IL23R: variants seen among roughly 807,000 people sequenced by gnomAD.
The protein encoded by IL23R is interleukin 23 receptor, also known as interleukin-23 receptor.
Under a neutral mutation model 56.9 loss-of-function variants are expected in IL23R, and 34 were observed. The observed-to-expected ratio is 0.60, with a 90% confidence interval of 0.45 to 0.80. IL23R has a LOEUF of 0.80. IL23R is among the 30% of genes least tolerant of loss of function. The probability of loss-of-function intolerance (pLI) is 0.00; values close to 1 mark genes in which losing one functional copy is unlikely to be tolerated. For missense variants in IL23R, 635 were observed against 730.0 expected, an observed-to-expected ratio of 0.87 and a Z score of 1.50; for synonymous variants, 230 against 249.2, an observed-to-expected ratio of 0.92 and a Z score of 0.73.
At chr1:67,183,312 A>C (rs1422489921) in intron 4 of IL23R, among the ~76,000 whole-genome samples, 1 of 152,216 alleles carries the variant, frequency 6.6e-6, no homozygotes, top group African/African-American at 2.4e-5. Context: ...AGGTGGGTGA[A>C]TAACCTGAGG....
chr1:67,232,813 C>T (rs1025859117), intron 7 of IL23R, among the ~76,000 whole-genome samples: 23 of 152,206 alleles, frequency 1.5e-4, no homozygotes, highest in African/African-American at 2.2e-4. Flanking sequence ...TTCCCATAAT[C>T]CCCATGAGTC....
At chr1:67,260,448 C>A (rs1293683346), downstream of IL23R, among the ~76,000 whole-genome samples, 1 of 151,982 alleles carries the variant, frequency 6.6e-6, no homozygotes, top group African/African-American at 2.4e-5. Flanking sequence ...CTGAACCTAC[C>A]ATTGCCCCAT....
chr1:67,185,884 T>C (rs1647294304), intron 4 of IL23R, among the ~76,000 whole-genome samples: 1 of 152,228 alleles, frequency 6.6e-6, no homozygotes, highest in Non-Finnish European at 1.5e-5. Context: ...AGTACTGTGC[T>C]CTGTACTTCA....
intron 4 of IL23R, among the ~76,000 whole-genome samples, chr1:67,197,720 G>C (rs1225912730): frequency 6.6e-6 from 1 of 152,180 alleles, no homozygotes; most frequent in Non-Finnish European, 1.5e-5. Context: ...CAAGGCAAGA[G>C]GATCACTTGA....
chr1:67,195,050 T>C (rs1252766236), intron 4 of IL23R, among the ~76,000 whole-genome samples: 1 of 152,220 alleles, frequency 6.6e-6, no homozygotes. Flanking sequence ...TCTTTTTTTA[T>C]TTAAATGGAC....
intron 3 of IL23R, among the ~76,000 whole-genome samples, chr1:67,171,778 C>G (rs1646947715): frequency 6.6e-6 from 1 of 152,144 alleles, no homozygotes; most frequent in Non-Finnish European, 1.5e-5. Flanking sequence ...GGAGCTCAGT[C>G]CAAAACAATG....
upstream of IL23R, among the ~76,000 whole-genome samples, chr1:67,165,004 T>C (rs927916103): frequency 6.6e-6 from 1 of 152,196 alleles, no homozygotes; most frequent in Non-Finnish European, 1.5e-5. Context: ...GTTCAGGAGT[T>C]CAAGACTAGC....
intron 1 of IL23R, among the ~76,000 whole-genome samples, 194 bp from the exon 2 acceptor site, chr1:67,167,896 CTT>C (rs1646892705): frequency 6.6e-6 from 1 of 152,254 alleles, no homozygotes; most frequent in South Asian, 2.1e-4. Flanking sequence ...TTCTCCATCT[CTT>C]GTTATATCTC....
intron 7 of IL23R, among the ~76,000 whole-genome samples, chr1:67,221,353 A>C (rs1650240093): frequency 6.6e-6 from 1 of 152,202 alleles, no homozygotes; most frequent in Non-Finnish European, 1.5e-5. Context: ...TTCTCCTAAA[A>C]GAGACACAAA....
chr1:67,156,966 T>G (rs1646774698), intron 1 of IL23R, among the ~76,000 whole-genome samples: 1 of 152,062 alleles, frequency 6.6e-6, no homozygotes, highest in Non-Finnish European at 1.5e-5. Flanking sequence ...TCCTGATCTG[T>G]GGATTGCAAA....
intron 4 of IL23R, among the ~76,000 whole-genome samples, chr1:67,189,664 G>T (rs1359009699): frequency 6.6e-6 from 1 of 152,210 alleles, no homozygotes; most frequent in Non-Finnish European, 1.5e-5. Flanking sequence ...AGAGAAGAGG[G>T]CTGGGCGCAG....
chr1:67,189,622 G>C (rs1363083216), intron 4 of IL23R, among the ~76,000 whole-genome samples: 5 of 152,134 alleles, frequency 3.3e-5, no homozygotes, highest in African/African-American at 1.2e-4. Flanking sequence ...CTAATGATTA[G>C]TTACAAACAA....
chr1:67,177,818 G>T (rs1004179517), intron 3 of IL23R, among the ~76,000 whole-genome samples: 2 of 151,214 alleles, frequency 1.3e-5, no homozygotes, highest in East Asian at 3.9e-4. Context: ...AAGGGATCCA[G>T]TTTCAGCCTT....
At chr1:67,219,492 A>G in intron 6 of IL23R, 82 bp from the exon 7 acceptor site, 1 of 1,279,126 alleles carries the variant, frequency 7.8e-7, no homozygotes, top group South Asian at 1.2e-5. Context: ...GGAACATAAT[A>G]GGTGTTCCAT....
In IL23R at chr1:67,240,290, T is replaced by C; in HGVS notation, c.1148+9T>C. 1 of 1,587,850 alleles carries C rather than the reference T, an allele frequency of 6.3e-7. No individual in the cohort carries two copies. The highest frequency in any genetic ancestry group is 8.6e-7 in the Non-Finnish European group (1 of 1,156,612). On this transcript the variant is annotated intron_variant, in intron 9 of 10. Transcript: ENST00000347310. Reference sequence around the variant, plus strand: ...AGATCATTCCGAACTGGGTAGGTTTTTGCAGAATTTCTGTTTTCTGATTTA... The same window carrying C: ...AGATCATTCCGAACTGGGTAGGTTTCTGCAGAATTTCTGTTTTCTGATTTA...
At chr1:67,222,098 C>CTTTTTTTTTTTTTTT (rs1558251147) in intron 7 of IL23R, among the ~76,000 whole-genome samples, 2 of 89,784 alleles carry the variant, frequency 2.2e-5, no homozygotes, top group African/African-American at 4.6e-5. Context: ...TTCTTTCTTT[C>CTTTTTTTTTTTTTTT]TTTCTTTTTT....
chr1:67,199,692 A>G (rs1475799881), intron 4 of IL23R, among the ~76,000 whole-genome samples: 1 of 152,058 alleles, frequency 6.6e-6, no homozygotes, highest in African/African-American at 2.4e-5. Context: ...TTATATATTT[A>G]TATAATATAT....
intron 4 of IL23R, among the ~76,000 whole-genome samples, chr1:67,195,093 G>A (rs188298044): frequency 7.0e-4 from 107 of 152,278 alleles, no homozygotes; most frequent in African/African-American, 2.4e-3. Flanking sequence ...AGGCTGGAGT[G>A]CAGTGGTGCA....
chr1:67,252,814 AAAAAAG>A (rs1433468168), intron 9 of IL23R, among the ~76,000 whole-genome samples: 2 of 141,254 alleles, frequency 1.4e-5, no homozygotes, highest in Non-Finnish European at 3.1e-5. Flanking sequence ...CAAAAAAAAA[AAAAAAG>A]AGAGAAGTGA....
Sources: gnomAD v4.1 joint callset for allele counts (sites outside exome capture counted in the v4.1 genomes callset) on GRCh38, gnomAD v4.1.1 for gene constraint, MANE v1.5 for transcripts, NCBI Gene and HGNC (gene_info 2026-07-23, HGNC 2026-07-21) for gene names.